Variants in ACOT1 observed in about 807,000 individuals in gnomAD.
ACOT1 encodes acyl-CoA thioesterase 1, also known as acyl-coenzyme A thioesterase 1.
Under a neutral mutation model 15.7 loss-of-function variants are expected in ACOT1, and 8 were observed. The observed-to-expected ratio is 0.51, with a 90% CI of 0.30 to 0.92. ACOT1 has a LOEUF of 0.92. Ranked by LOEUF, ACOT1 falls within the 40% of genes least tolerant of loss-of-function variation. The pLI, the probability that ACOT1 is intolerant of heterozygous loss-of-function variation, is 0.06. For missense variants in ACOT1, 151 were observed against 539.4 expected (o/e 0.28, Z 7.13); for synonymous variants, 67 against 241.2 (o/e 0.28, Z 6.69).
chr14:73,534,807 CTTT>C (rs553194860), upstream of ACOT1, among the ~76,000 whole-genome samples: 8 of 93,868 alleles, frequency 8.5e-5, 2 homozygotes, highest in South Asian at 2.1e-3. Context: ...ATCTTTTCTG[CTTT>C]TTTTTTTTTT....
At chr14:73,519,309 C>A in the ACOT1 span, 1 of 650,048 alleles carries the variant, frequency 1.5e-6, no homozygotes, top group South Asian at 3.0e-5. Context: ...CTGGGGCATC[C>A]CTTGAAGGTG....
chr14:73,522,258 C>T, the ACOT1 span: 1 of 1,609,370 alleles, frequency 6.2e-7, no homozygotes, highest in African/African-American at 1.3e-5. Context: ...CACTTGAGGC[C>T]CTGGCCAGTA....
At chr14:73,499,089 T>C in the ACOT1 span, 1 of 1,614,170 alleles carries the variant, frequency 6.2e-7, no homozygotes, top group Non-Finnish European at 8.5e-7. Flanking sequence ...GCAAAGGCCT[T>C]GATTTTCCAG....
chr14:73,520,824 C>A, the ACOT1 span: 1 of 1,599,558 alleles, frequency 6.3e-7, no homozygotes, highest in South Asian at 1.1e-5. Flanking sequence ...CCCCGTGTGC[C>A]CCTACCACAG....
At chr14:73,523,204 C>A in the ACOT1 span, 2 of 1,493,824 alleles carry the variant, frequency 1.3e-6, no homozygotes, top group Non-Finnish European at 1.8e-6. Context: ...AGAGGAAAGG[C>A]CTGGAGATGA....
the ACOT1 span, chr14:73,522,727 G>A: frequency 6.2e-7 from 1 of 1,614,212 alleles, no homozygotes; most frequent in Non-Finnish European, 8.5e-7. Context: ...TTTCGGGATT[G>A]GCAGAGCTTT....
chr14:73,491,145 T>C, the ACOT1 span: 1 of 1,607,806 alleles, frequency 6.2e-7, no homozygotes, highest in Non-Finnish European at 8.5e-7. Context: ...CGAAAGCAGC[T>C]GCGAAGTGTT....
the ACOT1 span, chr14:73,493,218 C>T: frequency 5.0e-6 from 5 of 1,007,560 alleles, no homozygotes; most frequent in Non-Finnish European, 3.1e-6. Flanking sequence ...CTTCAGGCTT[C>T]AGTGTACTGG....
the ACOT1 span, among the ~76,000 whole-genome samples, chr14:73,506,827 T>TTTTTTTTTG: frequency 1.6e-5 from 2 of 122,892 alleles, no homozygotes; most frequent in Non-Finnish European, 3.4e-5. Flanking sequence ...TTTTTTTTTC[T>TTTTTTTTTG]GAGAAGGTTG....
chr14:73,508,854 C>CT, the ACOT1 span, among the ~76,000 whole-genome samples: 2 of 149,098 alleles, frequency 1.3e-5, no homozygotes, highest in South Asian at 2.1e-4. Flanking sequence ...TCTTTTTTTC[C>CT]TTTTTTTTAG....
the ACOT1 span, chr14:73,491,096 G>C: frequency 6.2e-7 from 1 of 1,601,164 alleles, no homozygotes; most frequent in South Asian, 1.1e-5. Flanking sequence ...GCCACACAGC[G>C]GGTCGGTCCT....
the ACOT1 span, among the ~76,000 whole-genome samples, chr14:73,510,008 G>A: frequency 1.3e-5 from 2 of 150,212 alleles, no homozygotes; most frequent in Non-Finnish European, 3.0e-5. Flanking sequence ...CGAGTAGCTG[G>A]GACTACAGGC....
chr14:73,507,767 G>A, the ACOT1 span, among the ~76,000 whole-genome samples: 1 of 151,954 alleles, frequency 6.6e-6, no homozygotes, highest in Non-Finnish European at 1.5e-5. Flanking sequence ...GTTTGAGACA[G>A]AGTCTTGCTC....
chr14:73,495,136 C>T, the ACOT1 span: 1 of 1,132,232 alleles, frequency 8.8e-7, no homozygotes, highest in Non-Finnish European at 1.3e-6. Flanking sequence ...CTTTCATCCT[C>T]TAAGGCTTGC....
In ACOT1 at chr14:73,539,015, C is replaced by T. The variant is rs1888981764; in HGVS notation, c.457+1137C>T. Reference sequence around the variant, plus strand: ...ACAAACAACAACAACAAAAAATTTTCAAGTAGTTTCAATGTTCTTATTTAT... The same window carrying T: ...ACAAACAACAACAACAAAAAATTTTTAAGTAGTTTCAATGTTCTTATTTAT... On this transcript the variant is annotated intron_variant, in intron 1 of 2. Transcript: ENST00000311148. Among the ~76,000 whole-genome samples, 2 of 115,266 alleles carry T rather than the reference C, an allele frequency of 1.7e-5. 1 individual carries two copies. Among genetic ancestry groups the T allele is most frequent in the African/African-American group, 5.6e-5 (2 of 35,432 alleles). 75.6% of individuals were successfully genotyped at this position (115,266 alleles called of 152,430 possible).
chr14:73,511,818 G>A, the ACOT1 span, among the ~76,000 whole-genome samples: 1 of 152,186 alleles, frequency 6.6e-6, no homozygotes, highest in Non-Finnish European at 1.5e-5. Context: ...AAAAATTACT[G>A]GACTAGAAGT....
At chr14:73,504,605 G>T in the ACOT1 span, among the ~76,000 whole-genome samples, 4 of 152,132 alleles carry the variant, frequency 2.6e-5, no homozygotes, top group Admixed American at 2.6e-4. Context: ...GACTTTAGCA[G>T]CAGGGTGCTA....
chr14:73,537,000 C>A, upstream of ACOT1: 5 of 108,844 alleles, frequency 4.6e-5, no homozygotes, highest in Non-Finnish European at 9.3e-5. Context: ...TTTTTTTTTT[C>A]TGAGACGGAC....
At chr14:73,509,086 A>G in the ACOT1 span, among the ~76,000 whole-genome samples, 1 of 152,116 alleles carries the variant, frequency 6.6e-6, no homozygotes, top group African/African-American at 2.4e-5. Flanking sequence ...AGGCTGGTTT[A>G]GAACTCCTAT....
Sources: gnomAD v4.1 joint callset for allele counts (sites outside exome capture counted in the v4.1 genomes callset) on GRCh38, gnomAD v4.1.1 for gene constraint, MANE v1.5 for transcripts, NCBI Gene and HGNC (gene_info 2026-07-23, HGNC 2026-07-21) for gene names.